The following NIPSNAP3A variants were observed in gnomAD, a reference collection of about 807,000 sequenced individuals.
The protein encoded by NIPSNAP3A is protein NipSnap homolog 3A.
A neutral mutation model predicts 32.3 loss-of-function variants in NIPSNAP3A; 27 were observed. That is an observed-to-expected ratio of 0.84 (90% CI 0.62 to 1.15). The LOEUF is 1.15. Ranked by LOEUF, NIPSNAP3A falls within the 50% of genes most tolerant of loss-of-function variation. The probability of loss-of-function intolerance (pLI) is 0.00; values close to 1 mark genes in which losing one functional copy is unlikely to be tolerated. For synonymous variants in NIPSNAP3A, 108 were observed against 107.3 expected (o/e 1.01, Z -0.04); for missense variants, 278 against 297.2 (o/e 0.94, Z 0.48).
intron 4 of NIPSNAP3A, among the ~76,000 whole-genome samples, chr9:104,758,355 CATT>C (rs777303044): frequency 1.3e-5 from 2 of 152,128 alleles, no homozygotes; most frequent in Non-Finnish European, 2.9e-5. Flanking sequence ...ATACTGTTAA[CATT>C]ATACCACTTT....
chr9:104,754,445 G>A (rs1279970417), intron 3 of NIPSNAP3A, 106 bp from the exon 4 acceptor site: 5 of 916,402 alleles, frequency 5.5e-6, no homozygotes, highest in Non-Finnish European at 8.7e-6. Flanking sequence ...ATGCATGTCT[G>A]ATCCTCCAAA....
chr9:104,754,617 A>G lies in NIPSNAP3A; in HGVS notation c.497A>G (p.Lys166Arg). The change falls in exon 4 of 6, where the codon AAA becomes AGA. Residue 166 changes from lysine to arginine, a missense_variant. Transcript: ENST00000374767. ...CCAGCTCTGTGGGGTGATGCATTTA[A>G]AAGGGCAGTTCATGCTCATGTCAAT... Reference protein sequence around the residue: ...GGPALWGDAFKRAVHAHVNLG... With the variant: ...GGPALWGDAFRRAVHAHVNLG... 6.2e-7 allele frequency: 1 copy of G among 1,614,112 alleles called. No homozygotes were observed. The highest frequency in any genetic ancestry group is 1.1e-5 in the South Asian group (1 of 91,080).
At chr9:104,749,639 T>C (rs376983825) in intron 1 of NIPSNAP3A, among the ~76,000 whole-genome samples, 4 of 152,280 alleles carry the variant, frequency 2.6e-5, no homozygotes, top group Admixed American at 1.3e-4. Flanking sequence ...CCTGTGTGTA[T>C]ACCATGAGTG....
rs1424322349 is a variant in NIPSNAP3A at position 104,751,091 on chromosome 9, C to A, written c.196C>A (p.His66Asn). Reference sequence around the variant, plus strand: ...GAAAAACGCTCATCTTCGGACAGCTCACTCTGAATTGGTTGGATACTGGAG... The same window carrying A: ...GAAAAACGCTCATCTTCGGACAGCTAACTCTGAATTGGTTGGATACTGGAG... ...FEKNAHLRTA[H>N]SELVGYWSVE... Residue 66 changes from histidine to asparagine, a missense_variant, in exon 2 of 6, where the codon CAC becomes AAC. Coordinates refer to ENST00000374767, the MANE Select transcript of NIPSNAP3A (RefSeq NM_015469.3). 3.1e-6 allele frequency: 5 copies of A among 1,614,032 alleles called. No individual in the cohort carries two copies. Among genetic ancestry groups the A allele is most frequent in the Non-Finnish European group, 4.2e-6 (5 of 1,179,956 alleles).
At chr9:104,749,364 CGAATA>C (rs1279517469) in intron 1 of NIPSNAP3A, among the ~76,000 whole-genome samples, 1 of 152,062 alleles carries the variant, frequency 6.6e-6, no homozygotes, top group Non-Finnish European at 1.5e-5. Context: ...AAGTCACACA[CGAATA>C]GAATTAACTC....
At chr9:104,750,434 AGCAGGAGAATAGGGTCTTGAG>A (rs1285867735) in intron 1 of NIPSNAP3A, among the ~76,000 whole-genome samples, 1 of 152,246 alleles carries the variant, frequency 6.6e-6, no homozygotes, top group Non-Finnish European at 1.5e-5. Context: ...GTATATGTGA[AGCAGGAGAATAGGGTCTTGAG>A]GCAGGGAACC....
chr9:104,751,130 G>A lies in NIPSNAP3A; in HGVS notation c.235G>A (p.Gly79Ser). ...TGGATACTGGAGTGTAGAATTTGGAGGCAGAATGAATACAGTGTTTCATAT... is the reference window on the plus strand; with the variant it reads ...TGGATACTGGAGTGTAGAATTTGGAAGCAGAATGAATACAGTGTTTCATAT... The part of the protein sequence containing the change: ...LVGYWSVEFG[G>S]RMNTVFHIWK... The change falls in exon 2 of 6, where the codon GGC (glycine) becomes AGC (serine). Residue 79 changes from glycine (G) to serine (S), a missense_variant. Gly to Ser is a moderately conservative substitution (Grantham distance 56, BLOSUM62 0). Coordinates refer to ENST00000374767, the MANE Select transcript of NIPSNAP3A (RefSeq NM_015469.3). The A allele has an allele frequency of 1.2e-6, 2 of 1,613,980 alleles. No individual in the cohort carries two copies. Among genetic ancestry groups the A allele is most frequent in the Non-Finnish European group, 8.5e-7 (1 of 1,179,890 alleles).
In NIPSNAP3A at chr9:104,753,199, T is replaced by C. The variant is rs1217671952; in HGVS notation, c.430+135T>C. 16 of 751,122 alleles carry C rather than the reference T, an allele frequency of 2.1e-5. No homozygotes were observed. The Admixed American group carries it at 2.5e-4, about 12-fold the overall frequency. The allele number at this position is 751,122 out of a possible 1,614,324, so 46.5% of individuals were successfully genotyped here. Reference sequence around the variant, plus strand: ...ATATAGAAACATACAGTGATTGTTGTGGTAAAAATAAATGGGAGCTCTTAC... The same window carrying C: ...ATATAGAAACATACAGTGATTGTTGCGGTAAAAATAAATGGGAGCTCTTAC... On this transcript the variant is annotated intron_variant, in intron 3 of 5. Transcript: ENST00000374767.
intron 4 of NIPSNAP3A, among the ~76,000 whole-genome samples, chr9:104,755,739 C>A (rs2118757353): frequency 1.3e-5 from 2 of 151,890 alleles, no homozygotes; most frequent in East Asian, 3.9e-4. Flanking sequence ...CTGGGCAACA[C>A]AGCTTGTCTC....
intron 3 of NIPSNAP3A, 50 bp downstream of exon 3, chr9:104,753,114 G>C: frequency 6.9e-7 from 1 of 1,445,610 alleles, no homozygotes; most frequent in East Asian, 2.3e-5. Context: ...AAATACTAAA[G>C]AACTTAAGTG....
In NIPSNAP3A at chr9:104,753,065, G is replaced by A. The variant is rs761931495; in HGVS notation, c.430+1G>A. The A allele has an allele frequency of 1.9e-6, 3 of 1,612,054 alleles. No individual in the cohort carries two copies. In the South Asian group the frequency reaches 3.3e-5, roughly 18 times the overall value. On this transcript the variant is annotated splice_donor_variant, in intron 3 of 5. Transcript: ENST00000374767. LOFTEE classifies it high-confidence loss of function. ...AAATTAGAAAAACCTCCAAAAGAAG[G>A]TAAGTCCTTCCTTCTTAGTCACTGA...
intron 4 of NIPSNAP3A, among the ~76,000 whole-genome samples, chr9:104,756,342 A>G (rs1015018173): frequency 2.2e-4 from 34 of 151,704 alleles, no homozygotes; most frequent in Non-Finnish European, 4.3e-4. Context: ...AACTATGAAG[A>G]AAAAAAAATC....
chr9:104,759,442 T>G lies in NIPSNAP3A; in HGVS notation c.*104T>G, dbSNP rs1046115. On this transcript the variant is annotated 3_prime_UTR_variant, in exon 6 of 6. Transcript: ENST00000374767. The stretch of plus-strand genomic sequence containing the variant: ...TTCTCACTTTTATTTGAAGGAGGTG[T>G]TAAGTTAATTTGCTATGTTTCTTGC... The G allele has an allele frequency of 0.82, 922,046 of 1,118,218 alleles. 381,124 individuals are homozygous for G. Among genetic ancestry groups the G allele is most frequent in the African/African-American group, 0.89 (57,820 of 64,800 alleles). 69.3% of individuals were successfully genotyped at this position (1,118,218 alleles called of 1,614,324 possible). A position where few individuals can be genotyped will look rare whatever the true frequency, so the allele number is the denominator to read the frequency against.
rs1161553888 is a variant in NIPSNAP3A at position 104,751,022 on chromosome 9, T to C, written c.127T>C (p.Tyr43His). The change falls in exon 2 of 6, where the codon TAC becomes CAC. Residue 43 changes from tyrosine (Y) to histidine (H), a missense_variant. Coordinates refer to ENST00000374767, the MANE Select transcript of NIPSNAP3A (RefSeq NM_015469.3). ...AATATTCTATGAATTTCGTTCTTAT[T>C]ACCTTAAGCCCTCAAAGATGAATGA... is the stretch of plus-strand genomic sequence containing the variant. ...DGIFYEFRSY[Y>H]LKPSKMNEFL... 3 of 1,614,074 alleles carry C rather than the reference T, an allele frequency of 1.9e-6. No individual in the cohort carries two copies. In the East Asian group the frequency reaches 6.7e-5, roughly 36 times the overall value.
chr9:104,749,081 T>A (rs1280272024), intron 1 of NIPSNAP3A, among the ~76,000 whole-genome samples: 1 of 152,196 alleles, frequency 6.6e-6, no homozygotes, highest in Admixed American at 6.5e-5. Context: ...TGCCCAAAAT[T>A]GTAAAAATGT....
In NIPSNAP3A at chr9:104,747,975, C is replaced by T. The variant is rs1224802459; in HGVS notation, c.60+123C>T. 16 of 973,534 alleles carry T rather than the reference C, an allele frequency of 1.6e-5. No individual in the cohort carries two copies. In the African/African-American group the frequency reaches 1.8e-4, roughly 11 times the overall value. 60.3% of individuals were successfully genotyped at this position (973,534 alleles called of 1,614,324 possible). A position where few individuals can be genotyped will look rare whatever the true frequency, so the allele number is the denominator to read the frequency against. ...CCGCCACGCGCGCCCAGACCTGGGG[C>T]CCCGGTGAGGTTCTAGCGTGAGCCC... On this transcript the variant is annotated intron_variant, in intron 1 of 5. Transcript: ENST00000374767.
chr9:104,756,907 G>A (rs1476412023), intron 4 of NIPSNAP3A, among the ~76,000 whole-genome samples: 7 of 150,722 alleles, frequency 4.6e-5, no homozygotes, highest in Admixed American at 6.6e-5. Flanking sequence ...TGGTTCAGGC[G>A]GTTCTCCTGC....
intron 2 of NIPSNAP3A, among the ~76,000 whole-genome samples, chr9:104,752,413 A>G (rs762540547): frequency 6.6e-6 from 1 of 152,152 alleles, no homozygotes; most frequent in Non-Finnish European, 1.5e-5. Context: ...TCTGAACTTG[A>G]CTACCCACCA....
At chr9:104,758,043 C>T (rs901875498) in intron 4 of NIPSNAP3A, among the ~76,000 whole-genome samples, 1 of 151,930 alleles carries the variant, frequency 6.6e-6, no homozygotes, top group Non-Finnish European at 1.5e-5. Context: ...GTATATATTA[C>T]AATTATAAAA....
Sources: gnomAD v4.1 joint callset for allele counts (sites outside exome capture counted in the v4.1 genomes callset) on GRCh38, gnomAD v4.1.1 for gene constraint, MANE v1.5 for transcripts, NCBI Gene and HGNC (gene_info 2026-07-23, HGNC 2026-07-21) for gene names.